Variants in TAFA1 observed in about 807,000 individuals in gnomAD.
TAFA1 encodes TAFA chemokine like family member 1.
TAFA1 carries 4 observed loss-of-function variants against 18.5 expected under a neutral mutation model. The observed-to-expected ratio is 0.22, with a 90% CI of 0.11 to 0.49. TAFA1 has a LOEUF of 0.49. Among genes scored for constraint, TAFA1 ranks in the 20% least tolerant of loss-of-function variants. TAFA1 has a pLI of 0.98. For synonymous variants in TAFA1, 56 were observed against 55.2 expected, an observed-to-expected ratio of 1.01 and a Z score of -0.06; for missense variants, 147 against 169.0, an observed-to-expected ratio of 0.87 and a Z score of 0.72.
intron 2 of TAFA1, among the ~76,000 whole-genome samples, chr3:68,069,642 CA>C (rs1365476465): frequency 2.6e-5 from 4 of 152,164 alleles, no homozygotes; most frequent in Admixed American, 2.6e-4. Context: ...TCCAAAGTCT[CA>C]TCTGAGACAA....
intron 2 of TAFA1, among the ~76,000 whole-genome samples, chr3:68,274,551 C>G (rs779706603): frequency 1.3e-5 from 2 of 152,158 alleles, no homozygotes; most frequent in Non-Finnish European, 2.9e-5. Flanking sequence ...AAGACACAGC[C>G]TGCTTTGGCT....
At chr3:68,359,091 T>G (rs1419707817) in intron 2 of TAFA1, among the ~76,000 whole-genome samples, 1 of 152,194 alleles carries the variant, frequency 6.6e-6, no homozygotes, top group East Asian at 1.9e-4. Flanking sequence ...TGTCTACTCT[T>G]GGGCCAGATA....
chr3:68,481,481 G>T (rs977072464), intron 3 of TAFA1, among the ~76,000 whole-genome samples: 11 of 152,126 alleles, frequency 7.2e-5, no homozygotes, highest in Non-Finnish European at 1.6e-4. Context: ...ATTGGATGAC[G>T]TTATATACCT....
intron 3 of TAFA1, among the ~76,000 whole-genome samples, chr3:68,511,583 T>G (rs959880626): frequency 7.2e-5 from 11 of 152,150 alleles, no homozygotes; most frequent in African/African-American, 2.4e-4. Flanking sequence ...ATATCTTACT[T>G]TAAATAACTA....
chr3:68,215,623 A>C (rs1454691783), intron 2 of TAFA1, among the ~76,000 whole-genome samples: 1 of 152,082 alleles, frequency 6.6e-6, no homozygotes, highest in Non-Finnish European at 1.5e-5. Context: ...ATAAGGGACG[A>C]TGAGCCATTA....
upstream of TAFA1, among the ~76,000 whole-genome samples, chr3:68,000,707 A>G (rs1434866873): frequency 6.6e-6 from 1 of 152,228 alleles, no homozygotes; most frequent in Non-Finnish European, 1.5e-5. Flanking sequence ...TGGGAGGTAC[A>G]TACTCCAAGA....
chr3:68,257,230 G>C (rs2067315770), intron 2 of TAFA1, among the ~76,000 whole-genome samples: 1 of 151,954 alleles, frequency 6.6e-6, no homozygotes, highest in Admixed American at 6.6e-5. Flanking sequence ...TAACTTTCTT[G>C]GATGGCACTC....
chr3:68,115,233 G>GTGCACTTATGTT (rs2065310997), intron 2 of TAFA1, among the ~76,000 whole-genome samples: 11 of 152,054 alleles, frequency 7.2e-5, no homozygotes, highest in Admixed American at 7.2e-4. Context: ...GCACTTATGT[G>GTGCACTTATGTT]TTATGCACTT....
chr3:68,443,250 C>G (rs146902163), intron 3 of TAFA1, among the ~76,000 whole-genome samples: 2 of 152,020 alleles, frequency 1.3e-5, no homozygotes, highest in Non-Finnish European at 2.9e-5. Flanking sequence ...GAAGCACAAG[C>G]ACAGAACCCT....
At chr3:68,164,753 A>T (rs1217071452) in intron 2 of TAFA1, among the ~76,000 whole-genome samples, 1 of 151,762 alleles carries the variant, frequency 6.6e-6, no homozygotes, top group Non-Finnish European at 1.5e-5. Flanking sequence ...ATTATCTATG[A>T]TGTATTTTTC....
intron 3 of TAFA1, among the ~76,000 whole-genome samples, chr3:68,419,015 T>A (rs1272978922): frequency 2.0e-5 from 3 of 152,178 alleles, no homozygotes; most frequent in Non-Finnish European, 4.4e-5. Flanking sequence ...CAGAATGGTT[T>A]TAAGATGGCT....
intron 3 of TAFA1, among the ~76,000 whole-genome samples, chr3:68,422,920 C>A (rs1473503848): frequency 2.0e-5 from 3 of 151,754 alleles, no homozygotes; most frequent in Non-Finnish European, 4.4e-5. Flanking sequence ...AAAATATTAC[C>A]TACAGCCTTT....
At chr3:68,427,559 T>C (rs952889299) in intron 3 of TAFA1, among the ~76,000 whole-genome samples, 1 of 151,942 alleles carries the variant, frequency 6.6e-6, no homozygotes, top group Non-Finnish European at 1.5e-5. Flanking sequence ...CTGGGACCTG[T>C]ATATAAACTT....
Position 68,369,176 on chromosome 3 carries a change from T to C in TAFA1, c.119-48104T>C, listed in dbSNP as rs577442570. 6.0e-5 allele frequency among the ~76,000 whole-genome samples: 9 copies of C among 150,396 alleles called. No individual in the cohort carries two copies. In the South Asian group the frequency reaches 8.4e-4, roughly 14 times the overall value. ...GGAACACTTGTCTAGCACACACTTA[T>C]GTTGGTGCAGGCACACACACACACA... is the stretch of plus-strand genomic sequence containing the variant. On this transcript the variant is annotated intron_variant, in intron 2 of 4. Coordinates refer to ENST00000478136, the MANE Select transcript of TAFA1 (RefSeq NM_213609.4).
chr3:68,178,277 T>C (rs1002573206), intron 2 of TAFA1, among the ~76,000 whole-genome samples: 1 of 152,216 alleles, frequency 6.6e-6, no homozygotes, highest in East Asian at 1.9e-4. Context: ...CATTCACTCA[T>C]ACAACACATA....
intron 2 of TAFA1, among the ~76,000 whole-genome samples, chr3:68,381,214 G>A (rs1035988151): frequency 6.6e-6 from 1 of 151,068 alleles, no homozygotes; most frequent in Admixed American, 6.6e-5. Flanking sequence ...GATGCCTCCA[G>A]CTTTGTTCTT....
At chr3:68,486,409 T>A (rs1203203568) in intron 3 of TAFA1, among the ~76,000 whole-genome samples, 1 of 152,174 alleles carries the variant, frequency 6.6e-6, no homozygotes, top group Non-Finnish European at 1.5e-5. Context: ...GCCGTCTACC[T>A]GGACCTTGGT....
At chr3:68,067,025 T>C (rs565336216) in intron 2 of TAFA1, among the ~76,000 whole-genome samples, 1 of 152,164 alleles carries the variant, frequency 6.6e-6, no homozygotes, top group Non-Finnish European at 1.5e-5. Flanking sequence ...CCATGTAGAA[T>C]AACTCATAAA....
At chr3:68,363,729 A>G (rs1351494768) in intron 2 of TAFA1, among the ~76,000 whole-genome samples, 1 of 152,206 alleles carries the variant, frequency 6.6e-6, no homozygotes, top group Non-Finnish European at 1.5e-5. Context: ...GAAGTAAATC[A>G]TTATGCATTG....
Sources: gnomAD v4.1 joint callset for allele counts (sites outside exome capture counted in the v4.1 genomes callset) on GRCh38, gnomAD v4.1.1 for gene constraint, MANE v1.5 for transcripts, NCBI Gene and HGNC (gene_info 2026-07-23, HGNC 2026-07-21) for gene names.